The following GARNL3 variants were observed in gnomAD, a reference collection of about 807,000 sequenced individuals.
The protein encoded by GARNL3 is GTPase activating Rap/RanGAP domain like 3.
In GARNL3, 63 loss-of-function variants were observed where a neutral mutation model predicts 125.0. The ratio of observed to expected loss-of-function variants is 0.50; its 90% CI spans 0.41 to 0.62. GARNL3 has a LOEUF of 0.62. Ranked by LOEUF, GARNL3 falls within the 20% of genes least tolerant of loss-of-function variation. The probability of loss-of-function intolerance (pLI) is 0.00; values close to 1 mark genes in which losing one functional copy is unlikely to be tolerated. For missense variants in GARNL3, 994 were observed against 1,244.0 expected (o/e 0.80, Z 3.02); for synonymous variants, 439 against 457.5 (o/e 0.96, Z 0.52).
At chr9:127,306,372 C>T (rs1473012513) in intron 2 of GARNL3, among the ~76,000 whole-genome samples, 1 of 151,696 alleles carries the variant, frequency 6.6e-6, no homozygotes, top group Non-Finnish European at 1.5e-5. Context: ...GACTCGAGGT[C>T]AGGAGTTCGA....
chr9:127,382,970 C>T (rs544960884), intron 22 of GARNL3, among the ~76,000 whole-genome samples: 1 of 152,322 alleles, frequency 6.6e-6, no homozygotes, highest in African/African-American at 2.4e-5. Context: ...CCTTCTTGAC[C>T]GTTCACAAGT....
upstream of GARNL3, among the ~76,000 whole-genome samples, chr9:127,261,594 G>T (rs928290302): frequency 1.3e-5 from 2 of 151,698 alleles, no homozygotes; most frequent in African/African-American, 4.8e-5. Flanking sequence ...ATTTTTTTTA[G>T]TAGAGACAGG....
In GARNL3 at chr9:127,392,946, C is replaced by T; in HGVS notation, c.2871-137C>T. 1.5e-6 allele frequency: 1 copy of T among 668,312 alleles called. No homozygotes were observed. The highest frequency in any genetic ancestry group is 2.5e-6 in the Non-Finnish European group (1 of 393,066). The allele number at this position is 668,312 out of a possible 1,614,324, so 41.4% of individuals were successfully genotyped here. On this transcript the variant is annotated intron_variant, in intron 27 of 27. Transcript: ENST00000373387. The surrounding 1 kb of genome is among the most constrained non-coding windows in gnomAD (Gnocchi z 5.2). ...GATGGGGGTGGCATTCCAGCACTTC[C>T]CCACCTCTACCACATAACAGTGAGG...
chr9:127,336,805 G>A (rs1196031640), intron 11 of GARNL3, among the ~76,000 whole-genome samples: 1 of 152,224 alleles, frequency 6.6e-6, no homozygotes, highest in Non-Finnish European at 1.5e-5. Context: ...GACAGGCATG[G>A]GGCATGAGCT....
rs116599883 is a variant in GARNL3, at chr9:127,282,257, C to T, written c.145-8911C>T. On this transcript the variant is annotated intron_variant, in intron 1 of 27. Coordinates refer to ENST00000373387, the MANE Select transcript of GARNL3 (RefSeq NM_032293.5). ...TGGACAAATATTTAAACAGATCTTC[C>T]AAGAGTTTAAATGTAGCATAAAGTG... is the stretch of plus-strand genomic sequence containing the variant. Among the ~76,000 whole-genome samples, 372 of 152,266 alleles carry T rather than the reference C, an allele frequency of 2.4e-3. 3 individuals carry two copies. The highest frequency in any genetic ancestry group is 8.6e-3 in the African/African-American group (356 of 41,538).
intron 6 of GARNL3, among the ~76,000 whole-genome samples, chr9:127,324,591 C>G (rs963981529): frequency 2.6e-5 from 4 of 152,194 alleles, no homozygotes; most frequent in African/African-American, 9.6e-5. Context: ...TTTAGAAGTT[C>G]TGGAAAAGAT....
chr9:127,307,805 TAAAAAATA>T (rs986136654), intron 2 of GARNL3, among the ~76,000 whole-genome samples: 10 of 152,066 alleles, frequency 6.6e-5, no homozygotes, highest in Non-Finnish European at 1.2e-4. Flanking sequence ...TTAGAAATAC[TAAAAAATA>T]AAAAAATAAA....
At chr9:127,241,537 A>G (rs1172941777) in intron 1 of GARNL3, among the ~76,000 whole-genome samples, 1 of 151,754 alleles carries the variant, frequency 6.6e-6, no homozygotes, top group Non-Finnish European at 1.5e-5. Context: ...AAGCCAGCCT[A>G]GGGTGAGATT....
At chr9:127,230,738 C>T (rs2062985769) in intron 1 of GARNL3, among the ~76,000 whole-genome samples, 1 of 150,814 alleles carries the variant, frequency 6.6e-6, no homozygotes, top group Non-Finnish European at 1.5e-5. Flanking sequence ...TCGGCTTTGT[C>T]TATTCAGTTT....
intron 1 of GARNL3, among the ~76,000 whole-genome samples, chr9:127,277,530 C>T (rs2063987144): frequency 6.6e-6 from 1 of 151,664 alleles, no homozygotes; most frequent in Non-Finnish European, 1.5e-5. Flanking sequence ...TTCAAGCAAA[C>T]AAATTCCTGC....
At chr9:127,318,242 A>G in intron 5 of GARNL3, 115 bp downstream of exon 5, 1 of 765,670 alleles carries the variant, frequency 1.3e-6, no homozygotes, top group Non-Finnish European at 2.4e-6. Context: ...GACTGTGTGT[A>G]AGATGTTTTG....
intron 2 of GARNL3, among the ~76,000 whole-genome samples, chr9:127,298,062 T>C (rs947656237): frequency 6.6e-6 from 1 of 152,252 alleles, no homozygotes. Flanking sequence ...CAAAAACCTC[T>C]AGCCTCTCTG....
intron 7 of GARNL3, among the ~76,000 whole-genome samples, chr9:127,329,100 A>AT (rs779532764): frequency 5.3e-5 from 8 of 152,226 alleles, no homozygotes; most frequent in African/African-American, 1.4e-4. Flanking sequence ...ATACCTCATT[A>AT]TAATGAGCCA....
chr9:127,232,212 T>C (rs1350226713), intron 1 of GARNL3, among the ~76,000 whole-genome samples: 3 of 152,216 alleles, frequency 2.0e-5, no homozygotes, highest in African/African-American at 7.2e-5. Flanking sequence ...ATTCCAGGTG[T>C]AGCCTTAATT....
rs1462726677 is a variant in GARNL3 at position 127,387,278 on chromosome 9, C to T, written c.2474C>T (p.Pro825Leu). 6.2e-7 allele frequency: 1 copy of T among 1,614,058 alleles called. No homozygotes were observed. The change falls in exon 25 of 28, where the codon CCT (proline) becomes CTT (leucine). Residue 825 changes from proline to leucine, a missense_variant. This residue lies in a region of GARNL3 where 728 missense variants were observed against 865.7 expected (regional missense o/e 0.84). Coordinates refer to ENST00000373387, the MANE Select transcript of GARNL3 (RefSeq NM_032293.5). ...AAGGGGGCCAGTGCCCGAAATTCTCCTCAGACACCCCCGGGCCGAGATACT... is the reference window on the plus strand; with the variant it reads ...AAGGGGGCCAGTGCCCGAAATTCTCTTCAGACACCCCCGGGCCGAGATACT... The part of the protein sequence containing the change: ...SSKGASARNS[P>L]QTPPGRDTPV...
chr9:127,296,630 T>G (rs1214696501), intron 2 of GARNL3, among the ~76,000 whole-genome samples: 13 of 151,702 alleles, frequency 8.6e-5, no homozygotes, highest in African/African-American at 2.9e-4. Flanking sequence ...CACCATTGTA[T>G]CCAGCAAATT....
chr9:127,279,441 G>T (rs1412283806), intron 1 of GARNL3, among the ~76,000 whole-genome samples: 1 of 151,390 alleles, frequency 6.6e-6, no homozygotes, highest in African/African-American at 2.4e-5. Flanking sequence ...ATTTTGTTTT[G>T]TTCCTTTCCA....
At chr9:127,334,621 TC>T (rs1278619233) in intron 9 of GARNL3, among the ~76,000 whole-genome samples, 1 of 152,198 alleles carries the variant, frequency 6.6e-6, no homozygotes, top group Non-Finnish European at 1.5e-5. Context: ...ATAACAACCA[TC>T]CACTGAGCCC....
upstream of GARNL3, among the ~76,000 whole-genome samples, chr9:127,261,900 A>T (rs1411450499): frequency 6.6e-6 from 1 of 152,036 alleles, no homozygotes; most frequent in African/African-American, 2.4e-5. Context: ...CTTTCCTGGG[A>T]TTGTCTCTTC....
Sources: gnomAD v4.1 joint callset for allele counts (sites outside exome capture counted in the v4.1 genomes callset) on GRCh38, gnomAD v4.1.1 for gene constraint, gnomAD v4.1.1 regional missense constraint, Gnocchi (gnomAD v3.1) non-coding constraint, MANE v1.5 for transcripts, NCBI Gene and HGNC (gene_info 2026-07-23, HGNC 2026-07-21) for gene names.